Variants in C1orf21 observed in about 807,000 individuals in gnomAD.
C1orf21 encodes the protein chromosome 1 open reading frame 21.
In C1orf21, 3 loss-of-function variants were observed where a neutral mutation model predicts 18.7. The ratio of observed to expected loss-of-function variants is 0.16; its 90% CI spans 0.07 to 0.42. The LOEUF is 0.42. Ranked by LOEUF, C1orf21 falls within the 10% of genes least tolerant of loss-of-function variation. The probability of loss-of-function intolerance (pLI) is 0.99; values close to 1 mark genes in which losing one functional copy is unlikely to be tolerated. For missense variants in C1orf21, 104 were observed against 143.6 expected (o/e 0.72, Z 1.41); for synonymous variants, 41 against 46.4 (o/e 0.88, Z 0.47).
chr1:184,484,175 C>T lies in C1orf21; in HGVS notation c.94+6572C>T, dbSNP rs144086159. ...AACTCTTAACCTCAGGTGATCCACC[C>T]GCCTTGGCCTCCCAAAGTGCTAAGA... is the stretch of plus-strand genomic sequence containing the variant. On this transcript the variant is annotated intron_variant, in intron 2 of 5. Coordinates refer to ENST00000235307, the MANE Select transcript of C1orf21 (RefSeq NM_030806.4). Among the ~76,000 whole-genome samples the T allele has an allele frequency of 7.4e-3, 1,121 of 152,210 alleles. 5 individuals carry two copies. Among genetic ancestry groups the T allele is most frequent in the Middle Eastern group, 0.02 (6 of 294 alleles).
chr1:184,608,672 G>C (rs555162931), intron 5 of C1orf21, among the ~76,000 whole-genome samples: 1 of 152,166 alleles, frequency 6.6e-6, no homozygotes, highest in Admixed American at 6.5e-5. Flanking sequence ...AGCCTGTCAC[G>C]TGTCCTCTGG....
intron 1 of C1orf21, among the ~76,000 whole-genome samples, chr1:184,464,476 A>G (rs1245436454): frequency 6.6e-6 from 1 of 152,212 alleles, no homozygotes; most frequent in African/African-American, 2.4e-5. Context: ...TGCAGAAGAA[A>G]AAGACAGTCC....
intron 3 of C1orf21, chr1:184,566,711 G>T: frequency 2.6e-6 from 1 of 381,218 alleles, no homozygotes; most frequent in Non-Finnish European, 5.3e-6. Flanking sequence ...AAAAAAGTCA[G>T]AAGAAACCAA....
At chr1:184,564,530 A>T (rs564705117) in intron 3 of C1orf21, among the ~76,000 whole-genome samples, 5 of 151,322 alleles carry the variant, frequency 3.3e-5, no homozygotes, top group African/African-American at 9.7e-5. Flanking sequence ...CTGGTCTTGA[A>T]CTCCTGACCT....
At chr1:184,388,088 T>A (rs901036463) in intron 1 of C1orf21, among the ~76,000 whole-genome samples, 2 of 152,236 alleles carry the variant, frequency 1.3e-5, no homozygotes, top group Non-Finnish European at 2.9e-5. Context: ...TGCTGGTTAA[T>A]GTCCTTTCCC....
At chr1:184,388,746 A>G (rs568196270) in intron 1 of C1orf21, among the ~76,000 whole-genome samples, 22 of 152,164 alleles carry the variant, frequency 1.4e-4, no homozygotes, top group Admixed American at 2.6e-4. Context: ...TCTGCCTAAT[A>G]GGAATAACCT....
rs530209997 is a variant in C1orf21 at position 184,626,860 on chromosome 1, C to T, written c.*7304C>T. On this transcript the variant is annotated 3_prime_UTR_variant, in exon 6 of 6. Transcript: ENST00000235307. ...TTAGAGCCACTAAGGCGAAAAATAC[C>T]GTTTGGGACCAGGCTGGCCTAGACC... 5 of 152,648 alleles carry T rather than the reference C, an allele frequency of 3.3e-5. No homozygotes were observed. The East Asian group carries it at 7.7e-4, about 24-fold the overall frequency. The allele number at this position is 152,648 out of a possible 1,614,324, so 9.5% of individuals were successfully genotyped here. A position where few individuals can be genotyped will look rare whatever the true frequency, so the allele number is the denominator to read the frequency against.
Position 184,626,735 on chromosome 1 carries a change from C to T in C1orf21, c.*7179C>T, listed in dbSNP as rs1471641145. ...CTCTGTCCCTTACCCAGCCCCAACTCCTCTTCCTCTGCCAAAAGCTATTTG... is the reference window on the plus strand; with the variant it reads ...CTCTGTCCCTTACCCAGCCCCAACTTCTCTTCCTCTGCCAAAAGCTATTTG... On this transcript the variant is annotated 3_prime_UTR_variant, in exon 6 of 6. Coordinates refer to ENST00000235307, the MANE Select transcript of C1orf21 (RefSeq NM_030806.4). The T allele has an allele frequency of 6.6e-6, 1 of 152,406 alleles. No homozygotes were observed. Among genetic ancestry groups the T allele is most frequent in the Non-Finnish European group, 1.5e-5 (1 of 68,238 alleles). 9.4% of individuals were successfully genotyped at this position (152,406 alleles called of 1,614,324 possible).
intron 3 of C1orf21, among the ~76,000 whole-genome samples, chr1:184,563,861 A>G (rs1658997955): frequency 6.6e-6 from 1 of 152,154 alleles, no homozygotes; most frequent in African/African-American, 2.4e-5. Context: ...AGAATATTTA[A>G]CTGTCTGGTG....
chr1:184,456,332 A>T (rs777521848), intron 1 of C1orf21, among the ~76,000 whole-genome samples: 2 of 152,184 alleles, frequency 1.3e-5, no homozygotes, highest in African/African-American at 4.8e-5. Flanking sequence ...GTTTGACAAG[A>T]GTATATATAC....
chr1:184,523,337 C>T (rs557718011), intron 3 of C1orf21, among the ~76,000 whole-genome samples: 1 of 152,138 alleles, frequency 6.6e-6, no homozygotes, highest in Admixed American at 6.5e-5. Context: ...ATGAGAATGG[C>T]ATTTTATCTC....
At chr1:184,592,437 A>G (rs1304447426) in intron 4 of C1orf21, among the ~76,000 whole-genome samples, 1 of 152,200 alleles carries the variant, frequency 6.6e-6, no homozygotes, top group Non-Finnish European at 1.5e-5. Flanking sequence ...AATAATGAGT[A>G]GTTTTCTAGA....
chr1:184,477,670 A>G (rs1318360987), intron 2 of C1orf21, 67 bp downstream of exon 2: 4 of 1,263,840 alleles, frequency 3.2e-6, no homozygotes, highest in Admixed American at 2.1e-5. Context: ...TTATTGATAC[A>G]TAATATTTGT....
At chr1:184,435,192 T>C (rs1166672697) in intron 1 of C1orf21, among the ~76,000 whole-genome samples, 1 of 152,174 alleles carries the variant, frequency 6.6e-6, no homozygotes, top group Non-Finnish European at 1.5e-5. Flanking sequence ...GAAGAAAGCT[T>C]AGTGATTTTG....
At chr1:184,398,832 TTATATAATCTTATGAAACCACAGTTTCA>T (rs1438821250) in intron 1 of C1orf21, among the ~76,000 whole-genome samples, 2 of 152,330 alleles carry the variant, frequency 1.3e-5, no homozygotes, top group South Asian at 2.1e-4. Flanking sequence ...GACAGCTCCA[TTATATAATCTTATGAAACCACAGTTTCA>T]TATCCATTGA....
chr1:184,484,431 A>G (rs1466794563), intron 2 of C1orf21, among the ~76,000 whole-genome samples: 2 of 152,238 alleles, frequency 1.3e-5, no homozygotes, highest in Non-Finnish European at 2.9e-5. Flanking sequence ...TTCAGAAGGT[A>G]TCTCTTTCCT....
At chr1:184,559,500 T>TTCCC (rs1658924090) in intron 3 of C1orf21, among the ~76,000 whole-genome samples, 1 of 119,546 alleles carries the variant, frequency 8.4e-6, no homozygotes, top group South Asian at 3.2e-4. Context: ...CCTTCCTTCC[T>TTCCC]TCCCCCCTTC....
intron 5 of C1orf21, among the ~76,000 whole-genome samples, chr1:184,611,418 GT>G (rs2102008721): frequency 6.6e-6 from 1 of 152,184 alleles, no homozygotes; most frequent in East Asian, 1.9e-4. Flanking sequence ...GCAGGCGGTG[GT>G]TTAAGCCCAG....
intron 2 of C1orf21, among the ~76,000 whole-genome samples, chr1:184,487,546 T>C (rs950281146): frequency 2.0e-5 from 3 of 152,158 alleles, no homozygotes; most frequent in Non-Finnish European, 4.4e-5. Flanking sequence ...GAATAACACA[T>C]TGATATTAAG....
Sources: gnomAD v4.1 joint callset for allele counts (sites outside exome capture counted in the v4.1 genomes callset) on GRCh38, gnomAD v4.1.1 for gene constraint, MANE v1.5 for transcripts, NCBI Gene and HGNC (gene_info 2026-07-23, HGNC 2026-07-21) for gene names.